ARHGAP15: variants seen among roughly 807,000 people sequenced by gnomAD.
The protein encoded by ARHGAP15 is Rho GTPase activating protein 15.
In ARHGAP15, 51 loss-of-function variants were observed where a neutral mutation model predicts 63.7. That is an observed-to-expected ratio of 0.80 (90% CI 0.64 to 1.01). The LOEUF is 1.01. ARHGAP15 is among the 50% of genes least tolerant of loss of function. The pLI is 0.00. For synonymous variants in ARHGAP15, 191 were observed against 193.8 expected, an observed-to-expected ratio of 0.99 and a Z score of 0.12; for missense variants, 560 against 564.6, an observed-to-expected ratio of 0.99 and a Z score of 0.08.
chr2:143,618,668 T>G (rs1400904), intron 11 of ARHGAP15, among the ~76,000 whole-genome samples: 1 of 152,326 alleles, frequency 6.6e-6, no homozygotes, highest in Admixed American at 6.5e-5. Flanking sequence ...TTTCTTGACT[T>G]GGTTACTCTT....
intron 8 of ARHGAP15, among the ~76,000 whole-genome samples, chr2:143,461,043 A>G (rs926307636): frequency 2.0e-5 from 3 of 151,852 alleles, no homozygotes; most frequent in Non-Finnish European, 4.4e-5. Flanking sequence ...TAATCCCAAC[A>G]CTTTGAGAGG....
intron 10 of ARHGAP15, among the ~76,000 whole-genome samples, chr2:143,528,836 A>T (rs532745262): frequency 6.6e-6 from 1 of 152,198 alleles, no homozygotes; most frequent in Admixed American, 6.5e-5. Flanking sequence ...TAGGCATTTG[A>T]CGATGTATTT....
chr2:143,364,034 A>C (rs1686180370), intron 6 of ARHGAP15, among the ~76,000 whole-genome samples: 2 of 152,358 alleles, frequency 1.3e-5, no homozygotes, highest in South Asian at 4.1e-4. Flanking sequence ...AAGATTAAAA[A>C]GTTCCTTTAA....
intron 8 of ARHGAP15, among the ~76,000 whole-genome samples, chr2:143,467,756 A>T (rs963473856): frequency 4.6e-5 from 7 of 152,122 alleles, no homozygotes; most frequent in Admixed American, 1.3e-4. Flanking sequence ...CAAAAATATG[A>T]ATTATACAGT....
chr2:143,283,646 A>G (rs1681961137), intron 6 of ARHGAP15, among the ~76,000 whole-genome samples: 1 of 152,148 alleles, frequency 6.6e-6, no homozygotes, highest in Non-Finnish European at 1.5e-5. Context: ...ACCTGTAATA[A>G]TATTAAGGCT....
chr2:143,398,361 T>C (rs548630917), intron 6 of ARHGAP15, among the ~76,000 whole-genome samples: 1 of 152,252 alleles, frequency 6.6e-6, no homozygotes, highest in East Asian at 1.9e-4. Flanking sequence ...TGAGCTTTTG[T>C]AGTTGCTAAC....
In ARHGAP15 at chr2:143,706,439, A is replaced by G. The variant is rs562136743; in HGVS notation, c.1244+2915A>G. 24 of 152,266 alleles carry G rather than the reference A, an allele frequency of 1.6e-4. No homozygotes were observed. The East Asian group carries it at 1.7e-3, about 11-fold the overall frequency. 9.4% of individuals were successfully genotyped at this position (152,266 alleles called of 1,614,324 possible). A position where few individuals can be genotyped will look rare whatever the true frequency, so the allele number is the denominator to read the frequency against. On this transcript the variant is annotated intron_variant, in intron 13 of 13. Transcript: ENST00000295095. ...TTGTTTAGTGAGGGTCAGGGAATGT[A>G]ATGAAGTGCCAAAAATTCCACTTGA... is the stretch of plus-strand genomic sequence containing the variant.
intron 2 of ARHGAP15, among the ~76,000 whole-genome samples, chr2:143,183,179 CTG>C (rs1364562728): frequency 1.3e-5 from 2 of 152,200 alleles, no homozygotes; most frequent in Non-Finnish European, 2.9e-5. Flanking sequence ...AAGGGCCTGA[CTG>C]TATTCTGGCT....
chr2:143,496,995 T>G (rs1263422329), intron 9 of ARHGAP15, among the ~76,000 whole-genome samples: 1 of 152,204 alleles, frequency 6.6e-6, no homozygotes, highest in East Asian at 1.9e-4. Context: ...GGTGCCAGTT[T>G]GAAATATTGT....
chr2:143,438,802 G>A (rs986846814), intron 8 of ARHGAP15, among the ~76,000 whole-genome samples: 17 of 152,214 alleles, frequency 1.1e-4, no homozygotes, highest in African/African-American at 3.9e-4. Context: ...TATATTTAGT[G>A]TTAATCATAT....
At chr2:143,356,211 A>G (rs1372238680) in intron 6 of ARHGAP15, among the ~76,000 whole-genome samples, 4 of 152,200 alleles carry the variant, frequency 2.6e-5, no homozygotes, top group South Asian at 2.1e-4. Flanking sequence ...AGGTGCCGAC[A>G]TGCCATTCAG....
At chr2:143,537,569 G>A (rs1022875903) in intron 10 of ARHGAP15, among the ~76,000 whole-genome samples, 95 of 152,092 alleles carry the variant, frequency 6.2e-4, no homozygotes, top group African/African-American at 1.2e-4. Flanking sequence ...AGTGTAAGGA[G>A]GGGATCCAGT....
chr2:143,499,608 G>T (rs945534464), intron 9 of ARHGAP15, among the ~76,000 whole-genome samples: 7 of 152,082 alleles, frequency 4.6e-5, no homozygotes, highest in Non-Finnish European at 8.8e-5. Flanking sequence ...TGATGAAGTG[G>T]GTTTCTATTC....
rs187769400 is a variant in ARHGAP15 at position 143,505,538 on chromosome 2, C to T, written c.827-13728C>T. 2.6e-5 allele frequency among the ~76,000 whole-genome samples: 4 copies of T among 152,324 alleles called. No homozygotes were observed. In the East Asian group the frequency reaches 7.7e-4, roughly 29 times the overall value. On this transcript the variant is annotated intron_variant, in intron 9 of 13. Coordinates refer to ENST00000295095, the MANE Select transcript of ARHGAP15 (RefSeq NM_018460.4). ...TCAGAAATGTGTGCATCATGGCCTACTAATTTGGGCTCATAACTACTCTCC... is the reference window on the plus strand; with the variant it reads ...TCAGAAATGTGTGCATCATGGCCTATTAATTTGGGCTCATAACTACTCTCC...
At chr2:143,305,115 G>A (rs1237923952) in intron 6 of ARHGAP15, among the ~76,000 whole-genome samples, 1 of 152,000 alleles carries the variant, frequency 6.6e-6, no homozygotes, top group Non-Finnish European at 1.5e-5. Context: ...AGAAAATGTG[G>A]CATATATACA....
At chr2:143,438,829 A>G (rs958631697) in intron 8 of ARHGAP15, among the ~76,000 whole-genome samples, 2 of 152,182 alleles carry the variant, frequency 1.3e-5, no homozygotes, top group African/African-American at 4.8e-5. Context: ...TCTGTAGTAC[A>G]TATAAAAGAA....
chr2:143,687,450 G>T (rs1403205149), intron 12 of ARHGAP15, among the ~76,000 whole-genome samples: 2 of 152,168 alleles, frequency 1.3e-5, no homozygotes, highest in East Asian at 1.9e-4. Context: ...ACATGGCACT[G>T]CAGGGTCCTT....
chr2:143,737,789 T>C (rs1685808030), intron 13 of ARHGAP15, among the ~76,000 whole-genome samples: 1 of 151,980 alleles, frequency 6.6e-6, no homozygotes, highest in African/African-American at 2.4e-5. Context: ...GAGTTTTCAC[T>C]CTTGTTGCCC....
chr2:143,485,981 G>A (rs1692306197), intron 8 of ARHGAP15, among the ~76,000 whole-genome samples: 1 of 152,074 alleles, frequency 6.6e-6, no homozygotes, highest in African/African-American at 2.4e-5. Context: ...GTCATTCTCA[G>A]TCTTGAACTT....
Sources: allele counts gnomAD v4.1 joint callset (sites outside exome capture counted in the v4.1 genomes callset), GRCh38; gene constraint gnomAD v4.1.1; transcripts MANE v1.5; gene names NCBI Gene and HGNC (gene_info 2026-07-23, HGNC 2026-07-21).